Variants in PRKG1 observed in about 807,000 individuals in gnomAD.
PRKG1 encodes the protein protein kinase cGMP-dependent 1, also known as cGMP-dependent protein kinase 1.
A neutral mutation model predicts 88.1 loss-of-function variants in PRKG1; 35 were observed. The ratio of observed to expected loss-of-function variants is 0.40; its 90% CI spans 0.30 to 0.53. PRKG1 has a LOEUF of 0.53. Ranked by LOEUF, PRKG1 falls within the 20% of genes least tolerant of loss-of-function variation. The pLI is 0.59. For synonymous variants in PRKG1, 303 were observed against 292.5 expected (o/e 1.04, Z -0.37); for missense variants, 540 against 839.8 (o/e 0.64, Z 4.41).
intron 2 of PRKG1, among the ~76,000 whole-genome samples, chr10:51,462,874 G>A (rs1397422187): frequency 6.6e-6 from 1 of 151,938 alleles, no homozygotes; most frequent in Admixed American, 6.6e-5. Flanking sequence ...GAATATGGTG[G>A]TAAGAGGACA....
intron 2 of PRKG1, among the ~76,000 whole-genome samples, chr10:51,267,039 G>A (rs143726225): frequency 3.3e-5 from 5 of 152,202 alleles, no homozygotes; most frequent in Non-Finnish European, 5.9e-5. Context: ...ATCAATGCTC[G>A]TCACCAACTC....
intron 5 of PRKG1, among the ~76,000 whole-genome samples, chr10:52,041,772 A>C (rs144550386): frequency 4.9e-4 from 75 of 152,230 alleles, no homozygotes; most frequent in African/African-American, 1.7e-3. Flanking sequence ...AATTATTCAT[A>C]ATAATTTCTT....
At chr10:51,686,645 G>A (rs569302601) in intron 3 of PRKG1, among the ~76,000 whole-genome samples, 1 of 152,292 alleles carries the variant, frequency 6.6e-6, no homozygotes, top group South Asian at 2.1e-4. Flanking sequence ...TTCCCCCATA[G>A]GCAAACAAAG....
At chr10:51,935,018 G>C (rs79724936) in intron 5 of PRKG1, among the ~76,000 whole-genome samples, 6 of 152,028 alleles carry the variant, frequency 3.9e-5, no homozygotes, top group African/African-American at 1.4e-4. Context: ...GGATGGTTCC[G>C]GCAATGGGAA....
At chr10:51,487,422 C>G (rs1330836201) in intron 3 of PRKG1, among the ~76,000 whole-genome samples, 1 of 151,960 alleles carries the variant, frequency 6.6e-6, no homozygotes, top group Non-Finnish European at 1.5e-5. Flanking sequence ...AGTATGAACT[C>G]TATAGTCAAA....
intron 4 of PRKG1, among the ~76,000 whole-genome samples, chr10:51,874,762 A>G (rs953755792): frequency 2.6e-5 from 4 of 152,212 alleles, no homozygotes; most frequent in African/African-American, 9.7e-5. Context: ...AAATGTAAAT[A>G]CAGACTTCTA....
At chr10:51,452,369 A>G (rs140311692) in intron 2 of PRKG1, among the ~76,000 whole-genome samples, 162 of 151,858 alleles carry the variant, frequency 1.1e-3, no homozygotes, top group Admixed American at 1.8e-3. Context: ...GTCTTTTTTC[A>G]GTTCTCAGGG....
At chr10:51,442,847 T>C (rs1043769801) in intron 2 of PRKG1, among the ~76,000 whole-genome samples, 2 of 152,032 alleles carry the variant, frequency 1.3e-5, no homozygotes, top group African/African-American at 2.4e-5. Context: ...GAACAAGTCA[T>C]TATCTCTAAC....
At chr10:51,838,547 A>G (rs1459964477) in intron 4 of PRKG1, among the ~76,000 whole-genome samples, 1 of 152,204 alleles carries the variant, frequency 6.6e-6, no homozygotes, top group Admixed American at 6.5e-5. Context: ...TCCTTTTTTA[A>G]GTCAAAGATA....
intron 2 of PRKG1, among the ~76,000 whole-genome samples, chr10:51,334,184 CTCT>C (rs879728900): frequency 0.076 from 11,402 of 149,512 alleles, 433 homozygotes; most frequent in South Asian, 0.11. Context: ...CTCTCTCTCT[CTCT>C]CTCTCACTCA....
At chr10:51,943,169 G>C (rs896826870) in intron 5 of PRKG1, among the ~76,000 whole-genome samples, 1 of 151,942 alleles carries the variant, frequency 6.6e-6, no homozygotes, top group Non-Finnish European at 1.5e-5. Flanking sequence ...GGTCCTTCAC[G>C]TCCCTTGGAA....
chr10:51,171,228 GACTA>G (rs1846696740), intron 2 of PRKG1, among the ~76,000 whole-genome samples: 1 of 152,088 alleles, frequency 6.6e-6, no homozygotes, highest in Non-Finnish European at 1.5e-5. Context: ...AAATTGAGAA[GACTA>G]ACTGACAAAA....
chr10:52,178,099 G>A (rs1474700105), intron 9 of PRKG1, among the ~76,000 whole-genome samples: 1 of 150,936 alleles, frequency 6.6e-6, no homozygotes, highest in Non-Finnish European at 1.5e-5. Context: ...TTGTTTATTT[G>A]AAATATTTCT....
intron 9 of PRKG1, among the ~76,000 whole-genome samples, chr10:52,187,655 G>A (rs1261153970): frequency 1.3e-5 from 2 of 152,154 alleles, no homozygotes; most frequent in African/African-American, 4.8e-5. Context: ...TTCCACCTTT[G>A]TGGTAATCAC....
intron 3 of PRKG1, among the ~76,000 whole-genome samples, chr10:51,517,340 T>G (rs1448036985): frequency 6.6e-6 from 1 of 152,208 alleles, no homozygotes; most frequent in Non-Finnish European, 1.5e-5. Context: ...CAGAGATAAG[T>G]GTTTCTCTTT....
At chr10:51,077,894 C>T (rs1239507680) in intron 1 of PRKG1, among the ~76,000 whole-genome samples, 2 of 152,102 alleles carry the variant, frequency 1.3e-5, no homozygotes, top group Non-Finnish European at 2.9e-5. Context: ...AAATGAAAAA[C>T]AAAACCTAAG....
chr10:52,276,698 G>A (rs1841881809), intron 12 of PRKG1, among the ~76,000 whole-genome samples: 3 of 152,144 alleles, frequency 2.0e-5, no homozygotes, highest in Admixed American at 2.0e-4. Flanking sequence ...TATAAGGCAA[G>A]TGATTTATTT....
chr10:51,842,381 C>G (rs1371222284), intron 4 of PRKG1, among the ~76,000 whole-genome samples: 3 of 152,206 alleles, frequency 2.0e-5, no homozygotes, highest in Non-Finnish European at 4.4e-5. Flanking sequence ...ATCCAACTTG[C>G]ATGTAGCTTA....
chr10:51,737,209 T>C (rs899514737), intron 3 of PRKG1, among the ~76,000 whole-genome samples: 3 of 152,188 alleles, frequency 2.0e-5, no homozygotes, highest in African/African-American at 7.2e-5. Context: ...GGTCTTTTCA[T>C]CTTCCCCCAC....
Sources: gnomAD v4.1 joint callset for allele counts (sites outside exome capture counted in the v4.1 genomes callset) on GRCh38, gnomAD v4.1.1 for gene constraint, MANE v1.5 for transcripts, NCBI Gene and HGNC (gene_info 2026-07-23, HGNC 2026-07-21) for gene names.